Variants in MAPK10 observed in about 807,000 individuals in gnomAD.
MAPK10 encodes the protein mitogen-activated protein kinase 10.
A neutral mutation model predicts 59.3 loss-of-function variants in MAPK10; 25 were observed. That is an observed-to-expected ratio of 0.42 (90% confidence interval 0.31 to 0.59). The LOEUF (loss-of-function observed/expected upper bound fraction) is 0.59. Ranked by LOEUF, MAPK10 falls within the 20% of genes least tolerant of loss-of-function variation. MAPK10 has a pLI of 0.15. For missense variants in MAPK10, 351 were observed against 568.9 expected (o/e 0.62, Z 3.90); for synonymous variants, 190 against 200.5 (o/e 0.95, Z 0.44).
At chr4:86,473,980 T>C (rs1752868921) in intron 1 of MAPK10, among the ~76,000 whole-genome samples, 1 of 152,026 alleles carries the variant, frequency 6.6e-6, no homozygotes, top group Non-Finnish European at 1.5e-5. Context: ...TGAGACTTTG[T>C]CTCTACCAAA....
chr4:86,411,203 G>A (rs1745129801), intron 1 of MAPK10, among the ~76,000 whole-genome samples: 1 of 152,200 alleles, frequency 6.6e-6, no homozygotes, highest in Non-Finnish European at 1.5e-5. Context: ...CCATGTAGTT[G>A]TGTGGTTTTG....
chr4:86,496,608 T>C (rs1254475530), intron 1 of MAPK10, among the ~76,000 whole-genome samples: 2 of 152,162 alleles, frequency 1.3e-5, no homozygotes, highest in East Asian at 1.9e-4. Flanking sequence ...GGGGACTATG[T>C]CATGGTGACT....
At chr4:86,382,764 A>G (rs1040446712) in intron 1 of MAPK10, among the ~76,000 whole-genome samples, 4 of 152,128 alleles carry the variant, frequency 2.6e-5, no homozygotes, top group Non-Finnish European at 4.4e-5. Context: ...TCTGCTGCTC[A>G]TGAATGTTAG....
intron 1 of MAPK10, among the ~76,000 whole-genome samples, chr4:86,391,085 T>C (rs1463946564): frequency 6.6e-6 from 1 of 152,230 alleles, no homozygotes; most frequent in African/African-American, 2.4e-5. Context: ...TTTTCAGATA[T>C]GAAAGCTACA....
intron 1 of MAPK10, among the ~76,000 whole-genome samples, chr4:86,426,670 G>A (rs1334692923): frequency 6.6e-6 from 1 of 152,108 alleles, no homozygotes; most frequent in African/African-American, 2.4e-5. Flanking sequence ...CTTTAATCCT[G>A]TATATCCCAA....
chr4:86,207,256 T>C (rs1262754955), intron 2 of MAPK10, among the ~76,000 whole-genome samples: 5 of 151,782 alleles, frequency 3.3e-5, no homozygotes, highest in Non-Finnish European at 5.9e-5. Flanking sequence ...GTTTCAGCTT[T>C]CTACATATGG....
chr4:86,408,620 G>A (rs954728965), intron 1 of MAPK10, among the ~76,000 whole-genome samples: 21 of 152,126 alleles, frequency 1.4e-4, no homozygotes, highest in Admixed American at 3.9e-4. Flanking sequence ...GTATCTCATC[G>A]TGGTTTTGAT....
At chr4:86,447,551 G>C (rs1750187758) in intron 1 of MAPK10, among the ~76,000 whole-genome samples, 1 of 152,032 alleles carries the variant, frequency 6.6e-6, no homozygotes, top group Non-Finnish European at 1.5e-5. Flanking sequence ...ATATGTACAT[G>C]GCACAAAATT....
At chr4:86,261,572 G>T (rs1452790526) in intron 2 of MAPK10, among the ~76,000 whole-genome samples, 1 of 152,308 alleles carries the variant, frequency 6.6e-6, no homozygotes, top group East Asian at 1.9e-4. Context: ...AAGGAAGTAT[G>T]TCAAATATGC....
At chr4:86,520,465 G>A (rs1339339409) in intron 1 of MAPK10, among the ~76,000 whole-genome samples, 2 of 151,920 alleles carry the variant, frequency 1.3e-5, no homozygotes, top group Non-Finnish European at 2.9e-5. Context: ...CGTAAGTTGT[G>A]ATTGTCTGTT....
Position 86,197,898 on chromosome 4 carries a change from C to A in MAPK10, c.-6-3491G>T, listed in dbSNP as rs2081732776. 2.0e-5 allele frequency among the ~76,000 whole-genome samples: 3 copies of A among 152,062 alleles called. No individual in the cohort carries two copies. The South Asian group carries it at 6.2e-4, about 32-fold the overall frequency. ...AAGTAAAAATATGTTGCATTGATGT[C>A]ATGATAGACTATGAATTAATAGAAT... On this transcript the variant is annotated intron_variant, in intron 2 of 13. Transcript: ENST00000641462.
chr4:86,502,383 C>G (rs1186725899), intron 1 of MAPK10, among the ~76,000 whole-genome samples: 1 of 152,004 alleles, frequency 6.6e-6, no homozygotes, highest in Non-Finnish European at 1.5e-5. Context: ...TCATTTCTTG[C>G]TTGGATTTCT....
At position 86,186,364 on chromosome 4, in the gene MAPK10, AG is replaced by A. The variant is rs199610955; in HGVS notation, c.66+7971del. Among the ~76,000 whole-genome samples the A allele has an allele frequency of 6.7e-3, 1,027 of 152,254 alleles. 38 individuals are homozygous for A. The highest frequency in any genetic ancestry group is 0.06 in the Admixed American group (921 of 15,254). On this transcript the variant is annotated intron_variant, in intron 3 of 13. Transcript: ENST00000641462. ...TCAGAAACTGCAACAATTACAGTTTAGGGAGATGAGAGAGATCAGTAAATCT... is the reference window on the plus strand; with the variant it reads ...TCAGAAACTGCAACAATTACAGTTTAGGAGATGAGAGAGATCAGTAAATCT...
intron 1 of MAPK10, among the ~76,000 whole-genome samples, chr4:86,583,745 A>G (rs891886141): frequency 2.0e-5 from 3 of 152,192 alleles, no homozygotes; most frequent in Non-Finnish European, 4.4e-5. Context: ...ACTTGGGGCC[A>G]ATAGTCTTTC....
chr4:86,265,494 G>A (rs905813246), intron 2 of MAPK10, among the ~76,000 whole-genome samples: 7 of 149,842 alleles, frequency 4.7e-5, no homozygotes, highest in Admixed American at 2.7e-4. Flanking sequence ...GGGTGACAGA[G>A]CAAGTCTCCA....
intron 1 of MAPK10, among the ~76,000 whole-genome samples, chr4:86,520,126 G>T (rs558181276): frequency 6.6e-6 from 1 of 152,222 alleles, no homozygotes; most frequent in South Asian, 2.1e-4. Flanking sequence ...AATTTCCTGG[G>T]TGTTCTTTAA....
intron 1 of MAPK10, among the ~76,000 whole-genome samples, chr4:86,557,127 TA>T (rs890797456): frequency 2.2e-4 from 33 of 151,246 alleles, no homozygotes; most frequent in Admixed American, 7.3e-4. Context: ...AATTTGGGAT[TA>T]AAAAAAAATG....
At chr4:86,587,743 C>A (rs1410596724) in intron 1 of MAPK10, among the ~76,000 whole-genome samples, 1 of 152,098 alleles carries the variant, frequency 6.6e-6, no homozygotes, top group Non-Finnish European at 1.5e-5. Flanking sequence ...TTAGATTAGC[C>A]CAGAATTCAT....
intron 3 of MAPK10, among the ~76,000 whole-genome samples, chr4:86,159,785 T>A (rs568188159): frequency 9.2e-5 from 14 of 152,184 alleles, no homozygotes; most frequent in African/African-American, 3.4e-4. Flanking sequence ...CATCTATAGC[T>A]ACTGAACATG....
Sources: gnomAD v4.1 joint callset for allele counts (sites outside exome capture counted in the v4.1 genomes callset) on GRCh38, gnomAD v4.1.1 for gene constraint, MANE v1.5 for transcripts, NCBI Gene and HGNC (gene_info 2026-07-23, HGNC 2026-07-21) for gene names.